Variants in PPP1R21 observed in about 807,000 individuals in gnomAD.
PPP1R21 encodes KLRAQ motif containing 1.
Under a neutral mutation model 112.8 loss-of-function variants are expected in PPP1R21, and 85 were observed. The observed-to-expected ratio is 0.75, with a 90% CI of 0.63 to 0.90. PPP1R21 has a LOEUF of 0.90. Among genes scored for constraint, PPP1R21 ranks in the 40% least tolerant of loss-of-function variants. PPP1R21 has a pLI of 0.00. For missense variants in PPP1R21, 1,199 were observed against 901.5 expected, an observed-to-expected ratio of 1.33 and a Z score of -4.23; for synonymous variants, 381 against 322.3, an observed-to-expected ratio of 1.18 and a Z score of -1.95.
intron 16 of PPP1R21, among the ~76,000 whole-genome samples, chr2:48,497,637 C>T (rs892826128): frequency 8.6e-5 from 13 of 151,660 alleles, no homozygotes; most frequent in Non-Finnish European, 1.9e-4. Flanking sequence ...ACTTTTGCAC[C>T]AACCTATAGT....
Position 48,486,673 on chromosome 2 carries a change from A to G in PPP1R21, c.1361A>G (p.Glu454Gly), listed in dbSNP as rs1394687612. Reference sequence around the variant, plus strand: ...AGTCAAAAAGCTGCAATAGAGCATGAACTTCCAACAGCAACACAGAAGCTG... The same window carrying G: ...AGTCAAAAAGCTGCAATAGAGCATGGACTTCCAACAGCAACACAGAAGCTG... ...HYSQKAAIEH[E>G]LPTATQKLIT... Residue 454 changes from glutamate (E) to glycine (G), a missense_variant, in exon 14 of 22, where the codon GAA becomes GGA. Coordinates refer to ENST00000294952, the MANE Select transcript of PPP1R21 (RefSeq NM_001135629.3). 2.5e-6 allele frequency: 4 copies of G among 1,613,604 alleles called. No homozygotes were observed. Among genetic ancestry groups the G allele is most frequent in the Non-Finnish European group, 3.4e-6 (4 of 1,179,530 alleles).
chr2:48,483,628 A>G (rs1045833642), intron 13 of PPP1R21, among the ~76,000 whole-genome samples: 1 of 152,160 alleles, frequency 6.6e-6, no homozygotes. Context: ...TGCACATAGT[A>G]TTTTACCCTT....
intron 1 of PPP1R21, among the ~76,000 whole-genome samples, chr2:48,447,118 T>A (rs1321525287): frequency 6.6e-6 from 1 of 152,126 alleles, no homozygotes; most frequent in Non-Finnish European, 1.5e-5. Flanking sequence ...TAAAACTGAA[T>A]AGTTTAATTT....
In PPP1R21 at chr2:48,444,713, A is replaced by AATC. The variant is rs545404366; in HGVS notation, c.57+3704_57+3706dup. Among the ~76,000 whole-genome samples the AATC allele has an allele frequency of 1.8e-4, 28 of 152,340 alleles. No homozygotes were observed. The South Asian group carries it at 5.2e-3, about 28-fold the overall frequency. On this transcript the variant is annotated intron_variant, in intron 1 of 21. Transcript: ENST00000294952. ...TCTTGGGTCCACCCTGCACCTATTGAATCTGAAACTAGCAGTGAGACCCAG... is the reference window on the plus strand; with the variant it reads ...TCTTGGGTCCACCCTGCACCTATTGAATCATCTGAAACTAGCAGTGAGACCCAG...
At position 48,486,643 on chromosome 2, in the gene PPP1R21, A is replaced by T. The variant is rs140182996; in HGVS notation, c.1331A>T (p.His444Leu). The change falls in exon 14 of 22, where the codon CAT (histidine) becomes CTT (leucine). Residue 444 changes from histidine (H) to leucine (L), a missense_variant. Coordinates refer to ENST00000294952, the MANE Select transcript of PPP1R21 (RefSeq NM_001135629.3). Reference protein sequence around the residue: ...FHDVMKDISKHYSQKAAIEHE... With the variant: ...FHDVMKDISKLYSQKAAIEHE... Reference sequence around the variant, plus strand: ...ATTGCTTTTATAGATATTTCCAAACATTATAGTCAAAAAGCTGCAATAGAG... The same window carrying T: ...ATTGCTTTTATAGATATTTCCAAACTTTATAGTCAAAAAGCTGCAATAGAG... 6.8e-5 allele frequency: 109 copies of T among 1,610,898 alleles called. No homozygotes were observed. The highest frequency in any genetic ancestry group is 8.6e-5 in the Non-Finnish European group (101 of 1,177,376).
chr2:48,505,855 A>G (rs1670350387), intron 18 of PPP1R21, among the ~76,000 whole-genome samples: 1 of 152,130 alleles, frequency 6.6e-6, no homozygotes, highest in African/African-American at 2.4e-5. Flanking sequence ...GAGATTTGAC[A>G]AGGTGTGGCT....
chr2:48,504,745 A>T (rs980992627), intron 17 of PPP1R21, among the ~76,000 whole-genome samples: 14 of 152,266 alleles, frequency 9.2e-5, no homozygotes. Context: ...GTGCCCAAGC[A>T]CATGCCCCAC....
intron 3 of PPP1R21, among the ~76,000 whole-genome samples, chr2:48,455,719 CAT>C (rs1433177504): frequency 3.3e-5 from 5 of 151,982 alleles, no homozygotes; most frequent in African/African-American, 1.2e-4. Flanking sequence ...CGTTACTACT[CAT>C]ATGAAAGTAG....
In PPP1R21 at chr2:48,486,782, G is replaced by A. The variant is rs758673075; in HGVS notation, c.1446+24G>A. ...AGGTAATTCTCTTCTGGCGTATATT[G>A]ATGTTAAAACTCTTAAATATGTGCT... On this transcript the variant is annotated intron_variant, in intron 14 of 21. Coordinates refer to ENST00000294952, the MANE Select transcript of PPP1R21 (RefSeq NM_001135629.3). The A allele has an allele frequency of 7.9e-5, 127 of 1,602,154 alleles. No homozygotes were observed. In the South Asian group the frequency reaches 1.4e-3, roughly 17 times the overall value.
chr2:48,481,049 T>A (rs1447871924), intron 13 of PPP1R21, among the ~76,000 whole-genome samples: 1 of 152,182 alleles, frequency 6.6e-6, no homozygotes, highest in African/African-American at 2.4e-5. Context: ...AGTGCAGTGG[T>A]GTGATCTCCG....
chr2:48,484,499 T>C (rs1669182348), intron 13 of PPP1R21, among the ~76,000 whole-genome samples: 1 of 147,604 alleles, frequency 6.8e-6, no homozygotes, highest in African/African-American at 2.5e-5. Context: ...ATCTTTGGAC[T>C]AAATAAAGAA....
At position 48,447,413 on chromosome 2, in the gene PPP1R21, A is replaced by G. The variant is rs185187903; in HGVS notation, c.58-3595A>G. ...GTACTCTTCCCCCACTGAATGGAACAGAAGAGCTTGGTGCACAGCTGTTGA... is the reference window on the plus strand; with the variant it reads ...GTACTCTTCCCCCACTGAATGGAACGGAAGAGCTTGGTGCACAGCTGTTGA... On this transcript the variant is annotated intron_variant, in intron 1 of 21. Transcript: ENST00000294952. Among the ~76,000 whole-genome samples, 9 of 152,340 alleles carry G rather than the reference A, an allele frequency of 5.9e-5. No individual in the cohort carries two copies. The South Asian group carries it at 6.2e-4, about 11-fold the overall frequency.
chr2:48,498,799 T>C, intron 17 of PPP1R21, 64 bp downstream of exon 17: 2 of 1,517,652 alleles, frequency 1.3e-6, no homozygotes, highest in Non-Finnish European at 1.8e-6. Context: ...GTATCTAATG[T>C]TCAACATTAA....
intron 14 of PPP1R21, among the ~76,000 whole-genome samples, chr2:48,490,218 C>CAAAAAAAAAAAAAAAA (rs70943343): frequency 3.1e-4 from 29 of 93,900 alleles, no homozygotes; most frequent in Admixed American, 3.8e-4. Context: ...GACGCCGACT[C>CAAAAAAAAAAAAAAAA]AAAAAAAAAA....
chr2:48,505,196 C>T (rs551430887), intron 17 of PPP1R21, among the ~76,000 whole-genome samples: 96 of 152,264 alleles, frequency 6.3e-4, no homozygotes, highest in Admixed American at 1.5e-3. Context: ...ATTATGGTCA[C>T]CGTAAAAACG....
intron 1 of PPP1R21, among the ~76,000 whole-genome samples, chr2:48,450,315 G>A (rs1667418042): frequency 6.6e-6 from 1 of 152,186 alleles, no homozygotes; most frequent in African/African-American, 2.4e-5. Flanking sequence ...TAAAATGGAG[G>A]TAATTAGAGT....
chr2:48,465,873 G>A (rs1668177985), intron 9 of PPP1R21, among the ~76,000 whole-genome samples: 1 of 152,190 alleles, frequency 6.6e-6, no homozygotes, highest in South Asian at 2.1e-4. Context: ...AGACATACTG[G>A]AGACTGAGCA....
rs1319946542 is a variant in PPP1R21 at position 48,452,954 on chromosome 2, C to CT, written c.127-1624dup. ...GCCTATGGCTTTTAAGTTGCTGTTC[C>CT]TTTTTTTTTTTTTTTTTGAGACAGA... On this transcript the variant is annotated intron_variant, in intron 2 of 21. Transcript: ENST00000294952. Among the ~76,000 whole-genome samples the CT allele has an allele frequency of 4.9e-3, 679 of 138,426 alleles. 5 individuals are homozygous for CT. Among genetic ancestry groups the CT allele is most frequent in the East Asian group, 0.022 (106 of 4,916 alleles). 90.8% of individuals were successfully genotyped at this position (138,426 alleles called of 152,430 possible).
In PPP1R21 at chr2:48,491,121, T is replaced by C. The variant is rs746621446; in HGVS notation, c.1550T>C (p.Met517Thr). The C allele has an allele frequency of 6.2e-7, 1 of 1,614,180 alleles. No individual in the cohort carries two copies. Among genetic ancestry groups the C allele is most frequent in the Non-Finnish European group, 8.5e-7 (1 of 1,180,038 alleles). The change falls in exon 15 of 22, where the codon ATG becomes ACG. Residue 517 changes from methionine to threonine, a missense_variant. Physicochemically the swap from Met to Thr is moderately conservative, Grantham distance 81. Coordinates refer to ENST00000294952, the MANE Select transcript of PPP1R21 (RefSeq NM_001135629.3). ...GFISPLSAEC[M>T]LQYKKKAAAY... ...ATTAGTCCTCTTTCAGCTGAATGCA[T>C]GCTACAGTATAAGAAAAAAGCTGCT...
Sources: gnomAD v4.1 joint callset for allele counts (sites outside exome capture counted in the v4.1 genomes callset) on GRCh38, gnomAD v4.1.1 for gene constraint, MANE v1.5 for transcripts, NCBI Gene and HGNC (gene_info 2026-07-23, HGNC 2026-07-21) for gene names.